The following ALK variants were observed in gnomAD, a reference collection of about 807,000 sequenced individuals.
The protein encoded by ALK is ALK tyrosine kinase receptor.
In ALK, 74 loss-of-function variants were observed where a neutral mutation model predicts 163.1. The observed-to-expected ratio is 0.45, with a 90% CI of 0.38 to 0.55. The LOEUF (loss-of-function observed/expected upper bound fraction) is 0.55. Ranked by LOEUF, ALK falls within the 20% of genes least tolerant of loss-of-function variation. ALK has a pLI of 0.00. For synonymous variants in ALK, 960 were observed against 843.2 expected (o/e 1.14, Z -2.40); for missense variants, 2,063 against 2,105.3 (o/e 0.98, Z 0.39).
chr2:29,910,448 A>T (rs991907111), intron 1 of ALK, among the ~76,000 whole-genome samples: 6 of 152,308 alleles, frequency 3.9e-5, no homozygotes, highest in African/African-American at 9.6e-5. Context: ...CAATTTTTTT[A>T]AAAATTTCCA....
intron 15 of ALK, among the ~76,000 whole-genome samples, chr2:29,231,606 G>T (rs749179730): frequency 5.3e-5 from 8 of 152,128 alleles, no homozygotes; most frequent in Non-Finnish European, 1.2e-4. Flanking sequence ...TTCTATTCTA[G>T]CCGTCTCTCA....
intron 1 of ALK, among the ~76,000 whole-genome samples, chr2:29,876,543 A>G (rs1277061250): frequency 9.4e-5 from 12 of 127,116 alleles, no homozygotes; most frequent in Middle Eastern, 5.6e-3. Context: ...TGGTAGTGGT[A>G]ATGGTGGTGA....
At position 29,533,263 on chromosome 2, in the gene ALK, T is replaced by C. The variant is rs547426993; in HGVS notation, c.953-1147A>G. On this transcript the variant is annotated intron_variant, in intron 3 of 28. Coordinates refer to ENST00000389048, the MANE Select transcript of ALK (RefSeq NM_004304.5). ...TGATCTACAACTGTCATAAATAATC[T>C]ACATTATGACAGTATTTTGCAGCAG... 4.6e-5 allele frequency among the ~76,000 whole-genome samples: 7 copies of C among 152,294 alleles called. 1 individual carries two copies. The South Asian group carries it at 1.2e-3, about 27-fold the overall frequency.
intron 1 of ALK, among the ~76,000 whole-genome samples, chr2:29,781,045 A>G (rs986508795): frequency 6.6e-6 from 1 of 152,196 alleles, no homozygotes. Context: ...TTTTCTGTGC[A>G]CCTTCTATAT....
At chr2:29,517,304 G>A (rs542803839) in intron 4 of ALK, among the ~76,000 whole-genome samples, 1 of 152,134 alleles carries the variant, frequency 6.6e-6, no homozygotes, top group East Asian at 1.9e-4. Flanking sequence ...ACATCTCAGA[G>A]CTTCAAGATC....
At chr2:29,649,892 C>T (rs1208723484) in intron 3 of ALK, among the ~76,000 whole-genome samples, 1 of 152,128 alleles carries the variant, frequency 6.6e-6, no homozygotes, top group Non-Finnish European at 1.5e-5. Context: ...GATATGATAA[C>T]CCTAATATCT....
intron 4 of ALK, among the ~76,000 whole-genome samples, chr2:29,508,014 G>A (rs978962211): frequency 7.9e-5 from 12 of 152,130 alleles, no homozygotes; most frequent in African/African-American, 2.9e-4. Context: ...TACATGTCTT[G>A]CGTGAGTGTG....
chr2:29,534,956 A>T (rs1418547603), intron 3 of ALK, among the ~76,000 whole-genome samples: 1 of 152,328 alleles, frequency 6.6e-6, no homozygotes, highest in East Asian at 1.9e-4. Flanking sequence ...CTCTCAATGG[A>T]ACTCTATAGT....
intron 1 of ALK, among the ~76,000 whole-genome samples, chr2:29,792,803 T>A (rs980591427): frequency 3.6e-4 from 52 of 143,320 alleles, no homozygotes; most frequent in South Asian, 6.8e-4. Flanking sequence ...TCTAAAAAAA[T>A]ATACACATCT....
chr2:29,690,329 G>A lies in ALK; in HGVS notation c.952+4521C>T, dbSNP rs182809336. On this transcript the variant is annotated intron_variant, in intron 3 of 28. Transcript: ENST00000389048. Reference sequence around the variant, plus strand: ...AGCAAAAACCTGAGAGTCAGAGGACGGGGAGAGAGTTGAGCTGTTCCAGGA... The same window carrying A: ...AGCAAAAACCTGAGAGTCAGAGGACAGGGAGAGAGTTGAGCTGTTCCAGGA... 4.6e-5 allele frequency among the ~76,000 whole-genome samples: 7 copies of A among 152,272 alleles called. No homozygotes were observed. The East Asian group carries it at 1.2e-3, about 25-fold the overall frequency.
intron 1 of ALK, among the ~76,000 whole-genome samples, chr2:29,768,704 T>G (rs1382261386): frequency 1.8e-5 from 2 of 111,706 alleles, no homozygotes; most frequent in Non-Finnish European, 3.6e-5. Context: ...TTTATTAAAT[T>G]ATATATGTCT....
chr2:29,314,417 G>A (rs533824420), intron 8 of ALK, among the ~76,000 whole-genome samples: 2 of 152,240 alleles, frequency 1.3e-5, no homozygotes, highest in African/African-American at 4.8e-5. Flanking sequence ...ATTGCTAGAG[G>A]TGACGTCAGG....
intron 11 of ALK, among the ~76,000 whole-genome samples, chr2:29,258,051 C>T (rs1291246658): frequency 6.6e-6 from 1 of 152,284 alleles, no homozygotes; most frequent in East Asian, 1.9e-4. Flanking sequence ...ATTACCCAGG[C>T]TGGTCTTGAA....
chr2:29,667,322 A>G (rs972543386), intron 3 of ALK, among the ~76,000 whole-genome samples: 2 of 152,120 alleles, frequency 1.3e-5, no homozygotes, highest in Non-Finnish European at 1.5e-5. Flanking sequence ...CTCTGAATAA[A>G]TTACTCTGGC....
intron 1 of ALK, among the ~76,000 whole-genome samples, chr2:29,882,796 G>A (rs897173916): frequency 1.3e-5 from 2 of 152,122 alleles, no homozygotes; most frequent in Non-Finnish European, 2.9e-5. Context: ...ATAAAATCCA[G>A]GACACCCAGT....
intron 1 of ALK, among the ~76,000 whole-genome samples, chr2:29,815,813 G>A (rs185690322): frequency 5.3e-5 from 8 of 152,146 alleles, no homozygotes; most frequent in Admixed American, 6.5e-5. Flanking sequence ...CTGAGGCCCT[G>A]GAAATTCCAT....
At chr2:29,641,104 A>C (rs1676688365) in intron 3 of ALK, among the ~76,000 whole-genome samples, 2 of 152,254 alleles carry the variant, frequency 1.3e-5, no homozygotes, top group South Asian at 4.1e-4. Flanking sequence ...GAAGTGGCAC[A>C]CTTCATTAAG....
chr2:29,269,040 G>T, intron 11 of ALK, among the ~76,000 whole-genome samples: 1 of 152,214 alleles, frequency 6.6e-6, no homozygotes, highest in East Asian at 1.9e-4. Flanking sequence ...CAGAAGGGAG[G>T]TGCTTAGAGT....
intron 4 of ALK, among the ~76,000 whole-genome samples, chr2:29,529,870 C>T (rs1301541116): frequency 6.6e-6 from 1 of 152,128 alleles, no homozygotes; most frequent in Admixed American, 6.6e-5. Flanking sequence ...CAACTCACAC[C>T]CTCCAGAGGA....
Sources: allele counts gnomAD v4.1 joint callset (sites outside exome capture counted in the v4.1 genomes callset), GRCh38; gene constraint gnomAD v4.1.1; transcripts MANE v1.5; gene names NCBI Gene and HGNC (gene_info 2026-07-23, HGNC 2026-07-21).